TTL: variants seen among roughly 807,000 people sequenced by gnomAD.
TTL encodes the protein tubulin--tyrosine ligase.
Under a neutral mutation model 41.1 loss-of-function variants are expected in TTL, and 10 were observed. The ratio of observed to expected loss-of-function variants is 0.24; its 90% CI spans 0.15 to 0.41. The LOEUF (loss-of-function observed/expected upper bound fraction) is 0.41. TTL is among the 10% of genes least tolerant of loss of function. TTL has a pLI of 1.00. For missense variants in TTL, 367 were observed against 460.4 expected, an observed-to-expected ratio of 0.80 and a Z score of 1.86; for synonymous variants, 175 against 175.5, an observed-to-expected ratio of 1.00 and a Z score of 0.02.
At chr2:112,501,866 CA>C (rs67074839) in intron 4 of TTL, among the ~76,000 whole-genome samples, 73,737 of 137,100 alleles carry the variant, frequency 0.54, 19,248 homozygotes, top group Middle Eastern at 0.69. Context: ...ACTCCTGTGT[CA>C]AAAAAAAAAA....
At chr2:112,496,670 TG>T (rs1681535047) in intron 3 of TTL, among the ~76,000 whole-genome samples, 1 of 86,634 alleles carries the variant, frequency 1.2e-5, no homozygotes, top group East Asian at 4.2e-4. Context: ...TGTGTCTGTG[TG>T]TGTGTGTGTG....
intron 3 of TTL, among the ~76,000 whole-genome samples, chr2:112,496,208 A>AAGT (rs1298225922): frequency 2.0e-5 from 3 of 152,220 alleles, no homozygotes; most frequent in African/African-American, 7.2e-5. Context: ...GACCCTCACT[A>AAGT]AGACAAGACT....
intron 3 of TTL, among the ~76,000 whole-genome samples, chr2:112,496,506 A>G (rs1223784461): frequency 6.6e-6 from 1 of 152,026 alleles, no homozygotes; most frequent in African/African-American, 2.4e-5. Context: ...TTCACCTCTC[A>G]CCTGGAGCGT....
At chr2:112,519,689 T>G (rs1682168011) in intron 5 of TTL, among the ~76,000 whole-genome samples, 2 of 152,048 alleles carry the variant, frequency 1.3e-5, no homozygotes, top group Admixed American at 6.6e-5. Flanking sequence ...GAATCTTCAT[T>G]TACAGAGGCC....
chr2:112,502,566 G>A (rs562023397), intron 4 of TTL, among the ~76,000 whole-genome samples: 1 of 150,636 alleles, frequency 6.6e-6, no homozygotes, highest in South Asian at 2.1e-4. Flanking sequence ...GAACCCGGAA[G>A]GCGGAGGTTG....
chr2:112,527,571 CTTCT>C (rs1682400666), intron 6 of TTL, among the ~76,000 whole-genome samples: 1 of 152,132 alleles, frequency 6.6e-6, no homozygotes, highest in South Asian at 2.1e-4. Flanking sequence ...ATGTAATGGC[CTTCT>C]TTGTCTCTTT....
In TTL at chr2:112,532,531, C is replaced by A; in HGVS notation, c.*3736C>A. 1 of 208,432 alleles carries A rather than the reference C, an allele frequency of 4.8e-6. No individual in the cohort carries two copies. The allele number at this position is 208,432 out of a possible 1,614,324, so 12.9% of individuals were successfully genotyped here. A position where few individuals can be genotyped will look rare whatever the true frequency, so the allele number is the denominator to read the frequency against. ...GTGGTGGTGGCTGAGGTGGGAGGAT[C>A]GCTTGAGGCTGAGGTGTGAGGCTGC... On this transcript the variant is annotated 3_prime_UTR_variant, in exon 7 of 7. Transcript: ENST00000233336.
At chr2:112,496,443 C>T (rs1681524315) in intron 3 of TTL, among the ~76,000 whole-genome samples, 2 of 152,054 alleles carry the variant, frequency 1.3e-5, no homozygotes, top group African/African-American at 4.8e-5. Flanking sequence ...AAACTCTACC[C>T]ATTATGAAGC....
chr2:112,490,421 T>TAAAC (rs568919525), intron 2 of TTL, among the ~76,000 whole-genome samples: 2 of 151,876 alleles, frequency 1.3e-5, no homozygotes, highest in Admixed American at 6.6e-5. Context: ...CTGTCTCGGA[T>TAAAC]AAACAAACAA....
In TTL at chr2:112,482,919, AT is replaced by A. The variant is rs886404332; in HGVS notation, c.157+421del. On this transcript the variant is annotated intron_variant, in intron 1 of 6. Transcript: ENST00000233336. This position sits in a 1 kb window ranked among gnomAD's most constrained non-coding sequence, Gnocchi z 5.3. ...CTTTTGCAGCTCGTCTGCACTGAGG[AT>A]TTCTCCCTGCTTGGCGTGGGCGCGG... is the stretch of plus-strand genomic sequence containing the variant. 6.6e-6 allele frequency among the ~76,000 whole-genome samples: 1 copy of A among 152,066 alleles called. No individual in the cohort carries two copies.
chr2:112,530,886 T>C lies in TTL; in HGVS notation c.*2091T>C, dbSNP rs1264064437. On this transcript the variant is annotated 3_prime_UTR_variant, in exon 7 of 7. Transcript: ENST00000233336. Reference sequence around the variant, plus strand: ...GCTTCCAATAAGTATCTTAGGAACTTATTTCCTTTTTAAAAAATATTTTTT... The same window carrying C: ...GCTTCCAATAAGTATCTTAGGAACTCATTTCCTTTTTAAAAAATATTTTTT... 1.1e-5 allele frequency: 2 copies of C among 181,232 alleles called. No individual in the cohort carries two copies. The highest frequency in any genetic ancestry group is 4.7e-5 in the African/African-American group (2 of 42,390). 11.2% of individuals were successfully genotyped at this position (181,232 alleles called of 1,614,324 possible). A position where few individuals can be genotyped will look rare whatever the true frequency, so the allele number is the denominator to read the frequency against.
chr2:112,492,425 C>T (rs1681412710), intron 2 of TTL, among the ~76,000 whole-genome samples: 1 of 151,556 alleles, frequency 6.6e-6, no homozygotes, highest in Non-Finnish European at 1.5e-5. Context: ...TCTCTATTAA[C>T]AATACAAAAA....
At chr2:112,503,291 T>G in intron 5 of TTL, 110 bp downstream of exon 5, 3 of 924,658 alleles carry the variant, frequency 3.2e-6, no homozygotes, top group Non-Finnish European at 3.1e-6. Context: ...TGGTCAAAAA[T>G]TTTTTGTAAT....
intron 1 of TTL, among the ~76,000 whole-genome samples, chr2:112,484,754 G>T (rs1435472312): frequency 6.6e-6 from 1 of 152,142 alleles, no homozygotes; most frequent in Non-Finnish European, 1.5e-5. Flanking sequence ...GTTCAGGTGG[G>T]AATCAGGTCT....
chr2:112,489,132 T>C (rs1681316704), intron 2 of TTL, among the ~76,000 whole-genome samples: 1 of 152,204 alleles, frequency 6.6e-6, no homozygotes, highest in South Asian at 2.1e-4. Flanking sequence ...ATTTATTATA[T>C]TTAACTAAAT....
intron 6 of TTL, chr2:112,521,422 C>T (rs1181465228): frequency 2.2e-6 from 2 of 913,396 alleles, no homozygotes; most frequent in African/African-American, 3.6e-5. Context: ...GAGGGTTCTT[C>T]TGAAGATCCT....
intron 6 of TTL, chr2:112,521,459 G>T: frequency 1.4e-6 from 1 of 690,940 alleles, no homozygotes; most frequent in Non-Finnish European, 1.8e-6. Flanking sequence ...ACCCTTTCGT[G>T]GTTCCCATCT....
chr2:112,502,190 T>C (rs1309043097), intron 4 of TTL, among the ~76,000 whole-genome samples: 3 of 152,210 alleles, frequency 2.0e-5, no homozygotes, highest in African/African-American at 7.2e-5. Context: ...TGTCAGCTCA[T>C]TGCCAAGGAC....
intron 6 of TTL, among the ~76,000 whole-genome samples, chr2:112,526,524 A>G (rs1682377394): frequency 1.3e-5 from 2 of 152,100 alleles, no homozygotes; most frequent in Admixed American, 6.6e-5. Context: ...GGGAGGGTGT[A>G]TGTGTCCAGG....
Sources: gnomAD v4.1 joint callset for allele counts (sites outside exome capture counted in the v4.1 genomes callset) on GRCh38, gnomAD v4.1.1 for gene constraint, Gnocchi (gnomAD v3.1) non-coding constraint, MANE v1.5 for transcripts, NCBI Gene and HGNC (gene_info 2026-07-23, HGNC 2026-07-21) for gene names.